GABRB2: variants seen among roughly 807,000 people sequenced by gnomAD.
The protein encoded by GABRB2 is gamma-aminobutyric acid type A receptor subunit beta2.
GABRB2 carries 16 observed loss-of-function variants against 54.7 expected under a neutral mutation model. The ratio of observed to expected loss-of-function variants is 0.29; its 90% CI spans 0.20 to 0.44. GABRB2 has a LOEUF of 0.44. GABRB2 is among the 20% of genes least tolerant of loss of function. GABRB2 has a pLI of 1.00. For synonymous variants in GABRB2, 244 were observed against 233.8 expected (o/e 1.04, Z -0.40); for missense variants, 355 against 644.0 (o/e 0.55, Z 4.86).
intron 3 of GABRB2, among the ~76,000 whole-genome samples, chr5:161,514,256 C>T (rs1759866349): frequency 6.6e-6 from 1 of 152,092 alleles, no homozygotes; most frequent in Non-Finnish European, 1.5e-5. Context: ...CTTCACAGCC[C>T]AGCTTAAATA....
intron 3 of GABRB2, among the ~76,000 whole-genome samples, chr5:161,515,840 C>A (rs960337521): frequency 6.6e-6 from 1 of 152,030 alleles, no homozygotes; most frequent in African/African-American, 2.4e-5. Flanking sequence ...CAACAGGTAT[C>A]AAAAACAGAC....
chr5:161,402,106 T>C (rs1283227094), intron 5 of GABRB2, among the ~76,000 whole-genome samples: 1 of 151,656 alleles, frequency 6.6e-6, no homozygotes, highest in Non-Finnish European at 1.5e-5. Flanking sequence ...TATACATTCA[T>C]ACATATAAAA....
chr5:161,467,262 A>C (rs35312150), intron 3 of GABRB2, among the ~76,000 whole-genome samples: 3,411 of 152,232 alleles, frequency 0.022, 60 homozygotes, highest in Non-Finnish European at 0.034. Flanking sequence ...AGGCTTTTGT[A>C]ATTTTAAAAG....
chr5:161,469,684 T>C (rs1040466619), intron 3 of GABRB2, among the ~76,000 whole-genome samples: 9 of 104,108 alleles, frequency 8.6e-5, no homozygotes, highest in African/African-American at 2.7e-4. Context: ...CACATACACA[T>C]ACACATACAC....
chr5:161,452,893 G>T (rs1757831651), intron 4 of GABRB2, among the ~76,000 whole-genome samples: 1 of 152,156 alleles, frequency 6.6e-6, no homozygotes, highest in Non-Finnish European at 1.5e-5. Context: ...CTACTCAGGA[G>T]GCTGAGGTGG....
chr5:161,371,284 T>A (rs533946972), intron 5 of GABRB2, among the ~76,000 whole-genome samples: 2 of 152,218 alleles, frequency 1.3e-5, no homozygotes, highest in East Asian at 3.8e-4. Flanking sequence ...TGACTAATTG[T>A]TTAAATATAT....
chr5:161,422,819 A>G (rs1756886531), intron 4 of GABRB2, among the ~76,000 whole-genome samples: 1 of 152,198 alleles, frequency 6.6e-6, no homozygotes, highest in Non-Finnish European at 1.5e-5. Flanking sequence ...ACTATATCAA[A>G]TGTAGGCGCT....
intron 5 of GABRB2, among the ~76,000 whole-genome samples, chr5:161,368,316 G>A (rs1359906435): frequency 6.6e-6 from 1 of 152,132 alleles, no homozygotes; most frequent in African/African-American, 2.4e-5. Flanking sequence ...AACAGTGAAT[G>A]ATCAATAATA....
intron 9 of GABRB2, among the ~76,000 whole-genome samples, chr5:161,323,549 T>C (rs1431960487): frequency 6.6e-6 from 1 of 152,192 alleles, no homozygotes; most frequent in African/African-American, 2.4e-5. Flanking sequence ...GATCTGCTTA[T>C]GCATCTCTGC....
chr5:161,386,513 A>T (rs138700120), intron 5 of GABRB2, among the ~76,000 whole-genome samples: 83 of 152,312 alleles, frequency 5.4e-4, no homozygotes, highest in African/African-American at 1.8e-3. Flanking sequence ...ATATTGAGTT[A>T]TACCAATATA....
chr5:161,395,390 C>A (rs1755963739), intron 5 of GABRB2, among the ~76,000 whole-genome samples: 1 of 152,116 alleles, frequency 6.6e-6, no homozygotes. Flanking sequence ...CCTTATTCAT[C>A]CAACTATTCA....
intron 5 of GABRB2, among the ~76,000 whole-genome samples, chr5:161,347,342 T>C (rs1334532690): frequency 6.6e-6 from 1 of 152,124 alleles, no homozygotes; most frequent in Admixed American, 6.6e-5. Flanking sequence ...CCATAGTCAC[T>C]ACATTTAACA....
At chr5:161,477,511 C>T (rs1013478105) in intron 3 of GABRB2, among the ~76,000 whole-genome samples, 10 of 151,826 alleles carry the variant, frequency 6.6e-5, no homozygotes, top group African/African-American at 2.2e-4. Flanking sequence ...TGCATATCCA[C>T]GTTCATAGCA....
intron 3 of GABRB2, among the ~76,000 whole-genome samples, chr5:161,519,584 C>A (rs1413772105): frequency 2.6e-5 from 4 of 151,910 alleles, no homozygotes; most frequent in Non-Finnish European, 5.9e-5. Context: ...CATTAAAGAA[C>A]CTTGTTACTT....
chr5:161,419,764 C>T (rs1048250479), intron 4 of GABRB2, among the ~76,000 whole-genome samples: 5 of 152,090 alleles, frequency 3.3e-5, no homozygotes, highest in African/African-American at 9.7e-5. Context: ...AAAATGTGTA[C>T]ACATGTACCT....
intron 3 of GABRB2, among the ~76,000 whole-genome samples, chr5:161,481,059 T>G (rs868452162): frequency 1.3e-5 from 2 of 152,066 alleles, no homozygotes; most frequent in Non-Finnish European, 2.9e-5. Flanking sequence ...CTACATCTAT[T>G]CAAACAACAA....
chr5:161,546,701 C>CT lies in GABRB2; in HGVS notation c.-59dup. The CT allele has an allele frequency of 6.4e-7, 1 of 1,553,118 alleles. No individual in the cohort carries two copies. ...CTGAAGAGAGGAGATCCAACTTAGT[C>CT]TGCCCAGTGCAGTAATTCTAATGTG... On this transcript the variant is annotated 5_prime_UTR_variant, in exon 1 of 10. Transcript: ENST00000393959.
chr5:161,455,065 A>G (rs1757910019), intron 4 of GABRB2, among the ~76,000 whole-genome samples: 1 of 152,216 alleles, frequency 6.6e-6, no homozygotes, highest in South Asian at 2.1e-4. Context: ...TCTTCATCTC[A>G]TCTCCTGAAA....
chr5:161,403,667 A>G (rs1415391185), intron 5 of GABRB2, among the ~76,000 whole-genome samples: 1 of 152,132 alleles, frequency 6.6e-6, no homozygotes, highest in Admixed American at 6.6e-5. Flanking sequence ...TTTAAAACCA[A>G]AAGGATATTC....
Sources: allele counts gnomAD v4.1 joint callset (sites outside exome capture counted in the v4.1 genomes callset), GRCh38; gene constraint gnomAD v4.1.1; transcripts MANE v1.5; gene names NCBI Gene and HGNC (gene_info 2026-07-23, HGNC 2026-07-21).